The following GRM8 variants were observed in gnomAD, a reference collection of about 807,000 sequenced individuals.
GRM8 encodes glutamate metabotropic receptor 8.
In GRM8, 47 loss-of-function variants were observed where a neutral mutation model predicts 87.2. The ratio of observed to expected loss-of-function variants is 0.54; its 90% CI spans 0.43 to 0.69. The LOEUF is 0.69. Among genes scored for constraint, GRM8 ranks in the 30% least tolerant of loss-of-function variants. The pLI is 0.00. For synonymous variants in GRM8, 396 were observed against 404.5 expected (o/e 0.98, Z 0.25); for missense variants, 1,019 against 1,139.2 (o/e 0.89, Z 1.52).
At chr7:127,148,581 G>A (rs925187290) in intron 2 of GRM8, among the ~76,000 whole-genome samples, 6 of 151,946 alleles carry the variant, frequency 3.9e-5, no homozygotes, top group Admixed American at 6.6e-5. Context: ...GTTAGGCCAC[G>A]AAACAATCTT....
intron 7 of GRM8, among the ~76,000 whole-genome samples, chr7:126,758,213 A>G (rs543251927): frequency 6.6e-6 from 1 of 152,294 alleles, no homozygotes; most frequent in East Asian, 1.9e-4. Flanking sequence ...CAGGAGCAGA[A>G]AAAAATAATA....
At chr7:126,472,463 G>T (rs1445591128) in intron 9 of GRM8, among the ~76,000 whole-genome samples, 1 of 152,154 alleles carries the variant, frequency 6.6e-6, no homozygotes, top group African/African-American at 2.4e-5. Flanking sequence ...AGGCATTCAA[G>T]ATGTGACTTG....
chr7:126,810,418 C>A (rs1474599862), intron 6 of GRM8, among the ~76,000 whole-genome samples: 1 of 152,138 alleles, frequency 6.6e-6, no homozygotes, highest in African/African-American at 2.4e-5. Flanking sequence ...ACACTGCTTA[C>A]TATAACTGCA....
intron 9 of GRM8, among the ~76,000 whole-genome samples, chr7:126,499,697 T>A (rs1022830800): frequency 6.6e-6 from 1 of 151,884 alleles, no homozygotes; most frequent in Non-Finnish European, 1.5e-5. Flanking sequence ...AAAAATATCA[T>A]CTGATCTCAC....
chr7:126,587,265 G>A (rs1472135499), intron 8 of GRM8, among the ~76,000 whole-genome samples: 2 of 152,212 alleles, frequency 1.3e-5, no homozygotes, highest in Admixed American at 6.5e-5. Flanking sequence ...GGAAGTCAGT[G>A]TGGCGATTCC....
intron 7 of GRM8, among the ~76,000 whole-genome samples, chr7:126,654,334 G>A (rs1455135755): frequency 6.6e-6 from 1 of 152,050 alleles, no homozygotes; most frequent in East Asian, 1.9e-4. Context: ...TAACCTCTCT[G>A]GGCTTTCATT....
chr7:126,512,553 GCTGTGA>G (rs1811542846), intron 9 of GRM8: 1 of 152,136 alleles, frequency 6.6e-6, no homozygotes, highest in Non-Finnish European at 1.5e-5. Context: ...CAAATCCTAG[GCTGTGA>G]CTCTGCCTGA....
intron 6 of GRM8, among the ~76,000 whole-genome samples, chr7:126,786,188 A>G (rs1421305890): frequency 6.6e-6 from 1 of 152,118 alleles, no homozygotes; most frequent in Non-Finnish European, 1.5e-5. Context: ...AAAAACTACA[A>G]TTTCTAGTTT....
intron 3 of GRM8, among the ~76,000 whole-genome samples, chr7:127,089,675 A>G (rs896116609): frequency 2.0e-5 from 3 of 152,212 alleles, no homozygotes; most frequent in African/African-American, 7.2e-5. Flanking sequence ...AAATTGCCTC[A>G]TAGGCTTACA....
chr7:126,867,745 A>G (rs1798728596), intron 6 of GRM8, among the ~76,000 whole-genome samples: 1 of 152,208 alleles, frequency 6.6e-6, no homozygotes, highest in African/African-American at 2.4e-5. Context: ...CAGAGGTGAA[A>G]GGAGGAGACA....
intron 9 of GRM8, among the ~76,000 whole-genome samples, chr7:126,524,506 T>C (rs1450331587): frequency 6.6e-6 from 1 of 152,198 alleles, no homozygotes; most frequent in Admixed American, 6.5e-5. Flanking sequence ...ACTAAGATGT[T>C]TGGCCCTTTC....
chr7:126,771,668 C>T (rs1040725226), intron 6 of GRM8, among the ~76,000 whole-genome samples: 2 of 152,038 alleles, frequency 1.3e-5, no homozygotes, highest in East Asian at 1.9e-4. Flanking sequence ...TTTTCTAAAC[C>T]TTTCTTGCCA....
intron 6 of GRM8, among the ~76,000 whole-genome samples, chr7:126,892,569 C>T (rs1245759583): frequency 6.6e-6 from 1 of 152,106 alleles, no homozygotes; most frequent in African/African-American, 2.4e-5. Context: ...CAAGTCTTTG[C>T]TATTGTGAAT....
At chr7:126,442,402 T>A (rs1801570397) in intron 10 of GRM8, among the ~76,000 whole-genome samples, 1 of 152,064 alleles carries the variant, frequency 6.6e-6, no homozygotes, top group Non-Finnish European at 1.5e-5. Flanking sequence ...GAAAATAAAA[T>A]CTGTCCTTCA....
chr7:127,058,968 T>C (rs1820297743), intron 3 of GRM8, among the ~76,000 whole-genome samples: 1 of 152,134 alleles, frequency 6.6e-6, no homozygotes, highest in African/African-American at 2.4e-5. Context: ...CTGTTCTAGG[T>C]ACAAGGGCTC....
chr7:126,586,608 T>A (rs571309792), intron 8 of GRM8, among the ~76,000 whole-genome samples: 84 of 152,310 alleles, frequency 5.5e-4, no homozygotes, highest in Non-Finnish European at 9.0e-4. Context: ...TAAATGGTGC[T>A]GGGAAAACTG....
At chr7:126,790,197 AG>A (rs1191470948) in intron 6 of GRM8, among the ~76,000 whole-genome samples, 1 of 152,032 alleles carries the variant, frequency 6.6e-6, no homozygotes, top group Non-Finnish European at 1.5e-5. Flanking sequence ...TAGTAGAAAC[AG>A]GGTTTCACCA....
At chr7:127,029,320 G>T (rs1817125035) in intron 3 of GRM8, among the ~76,000 whole-genome samples, 1 of 152,196 alleles carries the variant, frequency 6.6e-6, no homozygotes, top group Admixed American at 6.5e-5. Context: ...TTGATTTGAG[G>T]TGGAGAGATC....
At chr7:126,552,675 A>C (rs1228658361) in intron 8 of GRM8, among the ~76,000 whole-genome samples, 3 of 152,136 alleles carry the variant, frequency 2.0e-5, no homozygotes, top group Admixed American at 2.0e-4. Context: ...TTGTTGGCCA[A>C]AGCATTTTAG....
Sources: allele counts gnomAD v4.1 joint callset (sites outside exome capture counted in the v4.1 genomes callset), GRCh38; gene constraint gnomAD v4.1.1; transcripts MANE v1.5; gene names NCBI Gene and HGNC (gene_info 2026-07-23, HGNC 2026-07-21).